FRMD5: variants seen among roughly 807,000 people sequenced by gnomAD.
FRMD5 encodes the protein FERM domain containing 5.
In FRMD5, 20 loss-of-function variants were observed where a neutral mutation model predicts 69.0. That is an observed-to-expected ratio of 0.29 (90% CI 0.20 to 0.42). FRMD5 has a LOEUF of 0.42. FRMD5 is among the 10% of genes least tolerant of loss of function. The pLI, the probability that FRMD5 is intolerant of heterozygous loss-of-function variation, is 1.00. For synonymous variants in FRMD5, 271 were observed against 260.1 expected, an observed-to-expected ratio of 1.04 and a Z score of -0.40; for missense variants, 595 against 708.6, an observed-to-expected ratio of 0.84 and a Z score of 1.82.
chr15:43,892,661 G>A (rs141500471), intron 7 of FRMD5, among the ~76,000 whole-genome samples: 17 of 152,270 alleles, frequency 1.1e-4, no homozygotes, highest in South Asian at 6.2e-4. Context: ...CTTATTCACC[G>A]GTAAAAAGGG....
chr15:43,877,816 A>G (rs1465484283), intron 13 of FRMD5, among the ~76,000 whole-genome samples: 1 of 152,212 alleles, frequency 6.6e-6, no homozygotes, highest in Non-Finnish European at 1.5e-5. Flanking sequence ...ATCTGAAGTC[A>G]TGTGGTTGGC....
rs563506964 is a variant in FRMD5, at chr15:43,873,917, G to A, written c.1681C>T (p.Arg561Cys). 4.2e-5 allele frequency: 68 copies of A among 1,614,144 alleles called. No homozygotes were observed. The highest frequency in any genetic ancestry group is 2.9e-4 in the South Asian group (26 of 91,078). The change falls in exon 14 of 14, where the codon CGC becomes TGC. Residue 561 changes from arginine to cysteine, a missense_variant. Coordinates refer to ENST00000417257, the MANE Select transcript of FRMD5 (RefSeq NM_032892.5). ...PLRRWFACKI[R>C]SVVSLLIDT ...TCAATGAGCAGGCTCACCACTGAGC[G>A]GATTTTGCAGGCAAACCATCGCCTG...
At chr15:44,089,161 T>A (rs151092871) in intron 1 of FRMD5, among the ~76,000 whole-genome samples, 1 of 152,206 alleles carries the variant, frequency 6.6e-6, no homozygotes. Flanking sequence ...ACTCTGTGTC[T>A]CCAGATCTAT....
intron 2 of FRMD5, among the ~76,000 whole-genome samples, chr15:43,923,609 T>C (rs1342490591): frequency 6.6e-6 from 1 of 152,080 alleles, no homozygotes; most frequent in African/African-American, 2.4e-5. Flanking sequence ...CCACAGCAGG[T>C]TGGGGAGATG....
chr15:44,185,788 T>A (rs1456319222), intron 1 of FRMD5, among the ~76,000 whole-genome samples: 2 of 146,682 alleles, frequency 1.4e-5, no homozygotes, highest in African/African-American at 5.4e-5. Context: ...GTGAGACTCT[T>A]ATCTTAAAAA....
intron 1 of FRMD5, among the ~76,000 whole-genome samples, chr15:43,928,826 C>T (rs2089629348): frequency 6.6e-6 from 1 of 152,196 alleles, no homozygotes; most frequent in Admixed American, 6.5e-5. Flanking sequence ...CAGGTGATTA[C>T]TGTTTAGTCA....
chr15:43,979,358 A>G (rs1208733635), intron 1 of FRMD5, among the ~76,000 whole-genome samples: 2 of 151,692 alleles, frequency 1.3e-5, no homozygotes, highest in Non-Finnish European at 2.9e-5. Flanking sequence ...AAAGGGTTCA[A>G]TTTGCTTCCC....
chr15:44,196,078 C>T (rs1021484915), upstream of FRMD5, among the ~76,000 whole-genome samples: 4 of 152,130 alleles, frequency 2.6e-5, no homozygotes, highest in African/African-American at 9.7e-5. Flanking sequence ...CTCTTTGTCA[C>T]CCCAAATTTA....
chr15:44,011,375 C>CAACT (rs1167325037), intron 1 of FRMD5, among the ~76,000 whole-genome samples: 1 of 152,078 alleles, frequency 6.6e-6, no homozygotes, highest in Non-Finnish European at 1.5e-5. Context: ...CAGGTCCAGG[C>CAACT]AACTAACTGT....
At chr15:43,879,500 T>C (rs2088463919) in intron 13 of FRMD5, 1 of 399,050 alleles carries the variant, frequency 2.5e-6, no homozygotes. Flanking sequence ...CTTTTTTACC[T>C]TGGAAATGCT....
chr15:44,137,986 G>T (rs2077211664), intron 1 of FRMD5, among the ~76,000 whole-genome samples: 1 of 152,172 alleles, frequency 6.6e-6, no homozygotes. Context: ...TGCTAGCTCA[G>T]TGGCTAGATA....
chr15:44,154,212 A>C (rs905161357), intron 1 of FRMD5, among the ~76,000 whole-genome samples: 3 of 152,100 alleles, frequency 2.0e-5, no homozygotes, highest in Admixed American at 2.0e-4. Flanking sequence ...CATCTCAGCT[A>C]TTCAGGAGGC....
chr15:43,888,706 G>A (rs2088722495), intron 9 of FRMD5, 103 bp downstream of exon 9: 1 of 926,352 alleles, frequency 1.1e-6, no homozygotes. Context: ...GGCTTAGTAT[G>A]TGGGTAGCTT....
At chr15:44,150,511 G>A (rs1391506705) in intron 1 of FRMD5, among the ~76,000 whole-genome samples, 2 of 151,996 alleles carry the variant, frequency 1.3e-5, no homozygotes, top group Admixed American at 1.3e-4. Flanking sequence ...TGGGTGTGAT[G>A]GCTGACTCCT....
intron 1 of FRMD5, among the ~76,000 whole-genome samples, chr15:43,967,461 G>C (rs1275702812): frequency 2.0e-5 from 3 of 152,028 alleles, no homozygotes; most frequent in Admixed American, 6.6e-5. Flanking sequence ...TCAAACTCCT[G>C]ATCTCATGAT....
chr15:44,119,388 G>A (rs757542950), intron 1 of FRMD5, among the ~76,000 whole-genome samples: 22 of 152,092 alleles, frequency 1.4e-4, no homozygotes, highest in Non-Finnish European at 2.6e-4. Context: ...TACTGACTTC[G>A]AGACGTACAG....
intron 1 of FRMD5, among the ~76,000 whole-genome samples, chr15:44,127,070 T>C (rs2077033452): frequency 6.6e-6 from 1 of 152,158 alleles, no homozygotes; most frequent in African/African-American, 2.4e-5. Context: ...ACAGAACATG[T>C]TTCATATAGT....
At chr15:43,930,483 G>A (rs970600219) in intron 1 of FRMD5, among the ~76,000 whole-genome samples, 1 of 152,236 alleles carries the variant, frequency 6.6e-6, no homozygotes, top group Non-Finnish European at 1.5e-5. Flanking sequence ...TACAATGCCA[G>A]GAGGCTGCTG....
chr15:44,127,750 T>C (rs2140411626), intron 1 of FRMD5, among the ~76,000 whole-genome samples: 1 of 152,088 alleles, frequency 6.6e-6, no homozygotes, highest in East Asian at 1.9e-4. Context: ...GGCACACCTG[T>C]AGTCCCAGCT....
Sources: gnomAD v4.1 joint callset for allele counts (sites outside exome capture counted in the v4.1 genomes callset) on GRCh38, gnomAD v4.1.1 for gene constraint, MANE v1.5 for transcripts, NCBI Gene and HGNC (gene_info 2026-07-23, HGNC 2026-07-21) for gene names.